The following DIAPH2 variants were observed in gnomAD, a reference collection of about 807,000 sequenced individuals.
The protein encoded by DIAPH2 is protein diaphanous homolog 2.
Under a neutral mutation model 92.7 loss-of-function variants are expected in DIAPH2, and 35 were observed. That is an observed-to-expected ratio of 0.38 (90% confidence interval 0.29 to 0.50). The LOEUF is 0.50. DIAPH2 is among the 20% of genes least tolerant of loss of function. DIAPH2 has a pLI of 0.94. For synonymous variants in DIAPH2, 301 were observed against 280.4 expected, an observed-to-expected ratio of 1.07 and a Z score of -0.73; for missense variants, 701 against 819.5, an observed-to-expected ratio of 0.86 and a Z score of 1.77.
At chrX:97,210,239 CACTTG>C (rs1296179220) in intron 22 of DIAPH2, among the ~76,000 whole-genome samples, 2 of 112,017 alleles carry the variant, frequency 1.8e-5, no homozygotes, top group Non-Finnish European at 3.8e-5. Context: ...ACTGTTGACA[CACTTG>C]ACTTTGATAT....
At chrX:96,975,897 C>A (rs764182729) in intron 17 of DIAPH2, among the ~76,000 whole-genome samples, 4 of 111,360 alleles carry the variant, frequency 3.6e-5, no homozygotes, top group Non-Finnish European at 7.5e-5. Flanking sequence ...GATACCATCA[C>A]CTTGTGTGTA....
chrX:96,758,242 C>T lies in DIAPH2; in HGVS notation c.431C>T (p.Ser144Phe). ...CGTGAGATGGTTGTCCAGTATATTTCTGCCACTGCCAAATCTGTAAGTAGG... is the reference window on the plus strand; with the variant it reads ...CGTGAGATGGTTGTCCAGTATATTTTTGCCACTGCCAAATCTGTAAGTAGG... Reference protein sequence around the residue: ...TKREMVVQYISATAKSGGLKN... With the variant: ...TKREMVVQYIFATAKSGGLKN... Residue 144 changes from serine to phenylalanine, a missense_variant, in exon 4 of 27, where the codon TCT becomes TTT. Ser to Phe is a radical substitution (Grantham distance 155). Around this residue, in one of 3 missense-constraint regions of DIAPH2, gnomAD observed 131 missense variants for 145.6 expected, o/e 0.90. Coordinates refer to ENST00000324765, the MANE Select transcript of DIAPH2 (RefSeq NM_006729.5). 8.3e-7 allele frequency: 1 copy of T among 1,202,849 alleles called. No individual in the cohort carries two copies. The highest frequency in any genetic ancestry group is 1.1e-6 in the Non-Finnish European group (1 of 892,219).
chrX:97,146,003 C>G lies in DIAPH2; in HGVS notation c.2719+4209C>G, dbSNP rs754371165. Among the ~76,000 whole-genome samples, 512 of 52,139 alleles carry G rather than the reference C, an allele frequency of 9.8e-3. 6 individuals are homozygous for G. The highest frequency in any genetic ancestry group is 0.03 in the African/African-American group (492 of 16,600). 45.3% of individuals were successfully genotyped at this position (52,139 alleles called of 115,157 possible). A position where few individuals can be genotyped will look rare whatever the true frequency, so the allele number is the denominator to read the frequency against. ...GTTCAGAATCTATTTCCTTTTTCTT[C>G]TTCCTTTTTTTTTTTTTTTTTTTTT... On this transcript the variant is annotated intron_variant, in intron 22 of 26. Coordinates refer to ENST00000324765, the MANE Select transcript of DIAPH2 (RefSeq NM_006729.5).
At chrX:96,706,061 A>G (rs757827478) in intron 1 of DIAPH2, among the ~76,000 whole-genome samples, 1 of 112,407 alleles carries the variant, frequency 8.9e-6, no homozygotes, top group Admixed American at 9.4e-5. Context: ...ACTCTTAAGA[A>G]TTGGGAGTTT....
chrX:96,889,108 A>G (rs1011722619), intron 5 of DIAPH2, among the ~76,000 whole-genome samples: 1 of 111,939 alleles, frequency 8.9e-6, no homozygotes, highest in Non-Finnish European at 1.9e-5. Context: ...CTTTGTACTC[A>G]TCTATCAGCT....
At chrX:96,953,914 T>G (rs1455743316) in intron 15 of DIAPH2, 1 of 112,095 alleles carries the variant, frequency 8.9e-6, no homozygotes, top group African/African-American at 3.2e-5. Flanking sequence ...ACTAGTTCAG[T>G]TTCACCAATG....
At chrX:97,298,507 C>T (rs1471938939) in intron 23 of DIAPH2, among the ~76,000 whole-genome samples, 1 of 109,023 alleles carries the variant, frequency 9.2e-6, no homozygotes, top group East Asian at 2.9e-4. Context: ...TATAGAAAGT[C>T]GTCATTAGGC....
intron 22 of DIAPH2, among the ~76,000 whole-genome samples, chrX:97,185,115 C>T (rs772159139): frequency 9.9e-6 from 1 of 100,968 alleles, no homozygotes; most frequent in African/African-American, 3.6e-5. Flanking sequence ...CCTGTCTCTA[C>T]TAAAAATATT....
chrX:96,697,217 G>A (rs1180648700), intron 1 of DIAPH2, among the ~76,000 whole-genome samples: 1 of 109,951 alleles, frequency 9.1e-6, no homozygotes, highest in African/African-American at 3.3e-5. Context: ...GATGCTCAGG[G>A]ATTCATGGCA....
intron 22 of DIAPH2, among the ~76,000 whole-genome samples, chrX:97,171,435 G>A (rs1358264150): frequency 2.7e-5 from 3 of 111,462 alleles, no homozygotes; most frequent in Non-Finnish European, 5.6e-5. Flanking sequence ...GATAATGGTC[G>A]GTCTGCAAAC....
chrX:97,265,810 A>G (rs914733703), intron 23 of DIAPH2, among the ~76,000 whole-genome samples: 3 of 112,039 alleles, frequency 2.7e-5, no homozygotes, highest in African/African-American at 9.7e-5. Context: ...GGAGATAACT[A>G]TACTAATCCA....
At chrX:97,549,572 AC>A (rs751140737) in intron 26 of DIAPH2, among the ~76,000 whole-genome samples, 37 of 111,939 alleles carry the variant, frequency 3.3e-4, no homozygotes, top group Non-Finnish European at 5.6e-4. Context: ...CAAAATAAGA[AC>A]ATTCTTTTGT....
chrX:96,960,839 A>G (rs1418191889), intron 16 of DIAPH2, among the ~76,000 whole-genome samples: 1 of 112,035 alleles, frequency 8.9e-6, no homozygotes, highest in Non-Finnish European at 1.9e-5. Context: ...TGCTTTTTCT[A>G]CATCTGTTGA....
intron 9 of DIAPH2, among the ~76,000 whole-genome samples, chrX:96,920,073 G>T (rs2065532237): frequency 9.1e-6 from 1 of 110,027 alleles, no homozygotes; most frequent in Admixed American, 9.7e-5. Context: ...TAGAGATGGG[G>T]TTTTGCCATG....
chrX:96,752,617 A>G (rs772282934), intron 3 of DIAPH2, among the ~76,000 whole-genome samples: 1 of 111,780 alleles, frequency 8.9e-6, no homozygotes, highest in African/African-American at 3.3e-5. Flanking sequence ...GTCTTGAAGT[A>G]TAATAGCCAG....
At chrX:97,566,531 A>ACAGCAAATTTGT (rs764546325) in intron 26 of DIAPH2, among the ~76,000 whole-genome samples, 1 of 111,841 alleles carries the variant, frequency 8.9e-6, no homozygotes, top group Non-Finnish European at 1.9e-5. Context: ...TCAACAACTG[A>ACAGCAAATTTGT]CAGCAAATTT....
intron 17 of DIAPH2, among the ~76,000 whole-genome samples, chrX:97,019,086 C>T (rs1412780847): frequency 1.8e-5 from 2 of 111,665 alleles, no homozygotes; most frequent in East Asian, 5.6e-4. Flanking sequence ...GAATAACATT[C>T]CACCGTGTGG....
At chrX:96,879,479 GT>G (rs767517395) in intron 4 of DIAPH2, among the ~76,000 whole-genome samples, 1 of 111,915 alleles carries the variant, frequency 8.9e-6, no homozygotes, top group Non-Finnish European at 1.9e-5. Flanking sequence ...TTTACTAGTA[GT>G]TTTCAGACTG....
At chrX:97,509,409 C>G (rs1035134698) in intron 26 of DIAPH2, among the ~76,000 whole-genome samples, 8 of 103,362 alleles carry the variant, frequency 7.7e-5, no homozygotes, top group Admixed American at 3.2e-4. Context: ...AAATAAAGAC[C>G]CAAAGAAACA....
Sources: gnomAD v4.1 joint callset for allele counts (sites outside exome capture counted in the v4.1 genomes callset) on GRCh38, gnomAD v4.1.1 for gene constraint, gnomAD v4.1.1 regional missense constraint, MANE v1.5 for transcripts, NCBI Gene and HGNC (gene_info 2026-07-23, HGNC 2026-07-21) for gene names.